Variants in RSPH14 observed in about 807,000 individuals in gnomAD.
The protein encoded by RSPH14 is rhabdoid tumor deletion region gene 1.
In RSPH14, 20 loss-of-function variants were observed where a neutral mutation model predicts 26.7. The observed-to-expected ratio is 0.75, with a 90% confidence interval of 0.53 to 1.09. RSPH14 has a LOEUF of 1.09. Ranked by LOEUF, RSPH14 falls within the 50% of genes least tolerant of loss-of-function variation. RSPH14 has a pLI of 0.00. For missense variants in RSPH14, 449 were observed against 457.2 expected (o/e 0.98, Z 0.16); for synonymous variants, 177 against 189.3 (o/e 0.93, Z 0.53).
chr22:23,132,055 C>T (rs977134049), intron 4 of RSPH14, among the ~76,000 whole-genome samples: 6 of 152,324 alleles, frequency 3.9e-5, no homozygotes, highest in South Asian at 2.1e-4. Context: ...GGAATGCTCA[C>T]GCCTGGCCTT....
At chr22:23,064,218 T>A in intron 4 of RSPH14, 85 bp from the exon 5 acceptor site, 1 of 1,278,880 alleles carries the variant, frequency 7.8e-7, no homozygotes, top group Non-Finnish European at 1.1e-6. Context: ...TCAAGGAGGG[T>A]CTTGCAGAAC....
chr22:23,160,803 C>G, the RSPH14 span: 1 of 1,557,384 alleles, frequency 6.4e-7, no homozygotes, highest in Non-Finnish European at 8.7e-7. Context: ...GTAGGCTAGC[C>G]TGGCTTTCAC....
intron 4 of RSPH14, among the ~76,000 whole-genome samples, chr22:23,099,860 G>A (rs890579629): frequency 3.3e-5 from 5 of 152,254 alleles, no homozygotes; most frequent in African/African-American, 1.2e-4. Flanking sequence ...TCTTCACTCG[G>A]CCCCACTGGA....
intron 4 of RSPH14, among the ~76,000 whole-genome samples, chr22:23,115,113 G>A (rs188458503): frequency 4.3e-4 from 66 of 152,306 alleles, no homozygotes; most frequent in African/African-American, 1.5e-3. Context: ...AACTGCATGG[G>A]GTCCTGTGGA....
chr22:23,160,758 G>A, the RSPH14 span: 1 of 1,362,978 alleles, frequency 7.3e-7, no homozygotes, highest in Non-Finnish European at 1.0e-6. Flanking sequence ...GTTACTGTCA[G>A]GGTGCTCTAG....
upstream of RSPH14, chr22:23,142,214 C>G (rs565030406): frequency 4.3e-4 from 69 of 159,618 alleles, no homozygotes; most frequent in Non-Finnish European, 7.8e-4. Context: ...TATTTACGCC[C>G]TTCTCTGTAC....
At chr22:23,150,304 C>CTTT in the RSPH14 span, 22 of 444,654 alleles carry the variant, frequency 4.9e-5, no homozygotes, top group Middle Eastern at 6.4e-4. Context: ...TTTTTTTTTT[C>CTTT]TTTTTTTTTT....
intron 4 of RSPH14, among the ~76,000 whole-genome samples, chr22:23,065,318 C>T (rs2068182852): frequency 6.6e-6 from 1 of 151,976 alleles, no homozygotes; most frequent in Non-Finnish European, 1.5e-5. Context: ...TACCGCCCCC[C>T]ACCATGTCTC....
At position 23,059,568 on chromosome 22, in the gene RSPH14, G is replaced by C; in HGVS notation, c.941C>G (p.Pro314Arg). 1.9e-6 allele frequency: 3 copies of C among 1,614,212 alleles called. No individual in the cohort carries two copies. The South Asian group carries it at 3.3e-5, about 18-fold the overall frequency. Reference protein sequence around the residue: ...EGRKALQTHVPTFRAMEVETY... With the variant: ...EGRKALQTHVRTFRAMEVETY... ...CTCCACCTCCATGGCACGGAAAGTG[G>C]GCACGTGCGTCTGCAGGGCCTTGCG... Residue 314 changes from proline to arginine, a missense_variant, in exon 7 of 7, where the codon CCC becomes CGC. Pro to Arg is a moderately radical substitution (Grantham distance 103). Coordinates refer to ENST00000216036, the MANE Select transcript of RSPH14 (RefSeq NM_014433.3).
rs1601869038 is a variant in RSPH14, at chr22:23,140,580, T to C, written c.-52-108A>G. 5.5e-6 allele frequency: 7 copies of C among 1,263,182 alleles called. No homozygotes were observed. The East Asian group carries it at 1.8e-4, about 33-fold the overall frequency. The allele number at this position is 1,263,182 out of a possible 1,614,324, so 78.2% of individuals were successfully genotyped here. On this transcript the variant is annotated intron_variant, in intron 1 of 6. Transcript: ENST00000216036. ...GGCAAATGGGTATTTTTACTTTCAT[T>C]TTACAGATGAGCAAACTGAGGCTGA...
At chr22:23,109,509 G>A (rs1470987214) in intron 4 of RSPH14, among the ~76,000 whole-genome samples, 1 of 152,186 alleles carries the variant, frequency 6.6e-6, no homozygotes, top group Non-Finnish European at 1.5e-5. Context: ...AAGACCAAGG[G>A]GACCCCAGAG....
intron 3 of RSPH14, among the ~76,000 whole-genome samples, chr22:23,134,548 CAAAAAA>C (rs59412175): frequency 3.5e-5 from 3 of 86,148 alleles, no homozygotes; most frequent in Non-Finnish European, 2.2e-5. Flanking sequence ...AACTCCCAAC[CAAAAAA>C]AAAAAAAAAA....
intron 4 of RSPH14, among the ~76,000 whole-genome samples, chr22:23,115,782 C>T (rs1252581108): frequency 1.3e-5 from 2 of 152,238 alleles, no homozygotes; most frequent in Non-Finnish European, 2.9e-5. Flanking sequence ...ATTTTCTAAA[C>T]CTCAGTTTAT....
At chr22:23,168,655 T>A in the RSPH14 span, among the ~76,000 whole-genome samples, 3 of 152,220 alleles carry the variant, frequency 2.0e-5, no homozygotes, top group Non-Finnish European at 4.4e-5. Flanking sequence ...CCAGGACGTA[T>A]GACTGTCACA....
At chr22:23,099,027 T>G (rs999123425) in intron 4 of RSPH14, among the ~76,000 whole-genome samples, 7 of 152,262 alleles carry the variant, frequency 4.6e-5, no homozygotes, top group African/African-American at 1.7e-4. Context: ...TGGGGCCCAG[T>G]GCCAGGGCTC....
At chr22:23,126,248 G>A (rs2070179429) in intron 4 of RSPH14, among the ~76,000 whole-genome samples, 1 of 152,198 alleles carries the variant, frequency 6.6e-6, no homozygotes, top group African/African-American at 2.4e-5. Flanking sequence ...GGCCTTCCCT[G>A]GAGGGAGGTT....
chr22:23,142,004 A>T, upstream of RSPH14: 1 of 985,152 alleles, frequency 1.0e-6, no homozygotes. Context: ...CAACCTATTC[A>T]GTTGCCAGGC....
intron 5 of RSPH14, among the ~76,000 whole-genome samples, chr22:23,062,683 C>T (rs569206735): frequency 6.6e-6 from 1 of 152,354 alleles, no homozygotes; most frequent in Admixed American, 6.5e-5. Context: ...GGTTGGCCAG[C>T]CACTAGCTGT....
chr22:23,130,168 A>G (rs2070315925), intron 4 of RSPH14, among the ~76,000 whole-genome samples: 1 of 144,334 alleles, frequency 6.9e-6, no homozygotes, highest in Non-Finnish European at 1.5e-5. Context: ...AGAAAAAGAA[A>G]AAGAAGGCCG....
Sources: gnomAD v4.1 joint callset for allele counts (sites outside exome capture counted in the v4.1 genomes callset) on GRCh38, gnomAD v4.1.1 for gene constraint, MANE v1.5 for transcripts, NCBI Gene and HGNC (gene_info 2026-07-23, HGNC 2026-07-21) for gene names.